The following ABCF3 variants were observed in gnomAD, a reference collection of about 807,000 sequenced individuals.
ABCF3 encodes the protein ATP-binding cassette sub-family F member 3.
A neutral mutation model predicts 94.3 loss-of-function variants in ABCF3; 62 were observed. The ratio of observed to expected loss-of-function variants is 0.66; its 90% CI spans 0.54 to 0.81. ABCF3 has a LOEUF of 0.81. ABCF3 is among the 40% of genes least tolerant of loss of function. The pLI, the probability that ABCF3 is intolerant of heterozygous loss-of-function variation, is 0.00. For missense variants in ABCF3, 843 were observed against 925.3 expected (o/e 0.91, Z 1.15); for synonymous variants, 355 against 361.1 (o/e 0.98, Z 0.19).
At position 184,191,275 on chromosome 3, in the gene ABCF3, G is replaced by T; in HGVS notation, c.1569+20G>T. On this transcript the variant is annotated intron_variant, in intron 16 of 20. Coordinates refer to ENST00000429586, the MANE Select transcript of ABCF3 (RefSeq NM_018358.3). ...TGTGTGGTAAGGCTGCTGTTTCTCT[G>T]TGCTGCGAGCTGGGACTCTCCTGTC... 1 of 1,613,428 alleles carries T rather than the reference G, an allele frequency of 6.2e-7. No homozygotes were observed. Among genetic ancestry groups the T allele is most frequent in the Non-Finnish European group, 8.5e-7 (1 of 1,180,014 alleles).
intron 16 of ABCF3, among the ~76,000 whole-genome samples, 166 bp downstream of exon 16, chr3:184,191,421 G>A (rs1471579425): frequency 3.3e-5 from 5 of 152,264 alleles, no homozygotes; most frequent in African/African-American, 7.2e-5. Flanking sequence ...TCCTCTGGCC[G>A]CACAGCGCTG....
chr3:184,186,579 AAG>A lies in ABCF3; in HGVS notation c.149_150del (p.Glu50GlyfsTer8). The A allele has an allele frequency of 6.2e-7, 1 of 1,614,024 alleles. No individual in the cohort carries two copies. Among genetic ancestry groups the A allele is most frequent in the South Asian group, 1.1e-5 (1 of 91,062 alleles). ...GTGGAAGCTGTAGGGGAACTATTGC[AAG>A]AGGTGTCCGGGGACAGCAAGGATGA... On this transcript the variant is annotated frameshift_variant, in exon 2 of 21. Coordinates refer to ENST00000429586, the MANE Select transcript of ABCF3 (RefSeq NM_018358.3). LOFTEE classifies it high-confidence loss of function.
rs1290146833 is a variant in ABCF3, at chr3:184,191,005, G to A, written c.1398G>A (p.Glu466=). 2 of 1,614,136 alleles carry A rather than the reference G, an allele frequency of 1.2e-6. No homozygotes were observed. Among genetic ancestry groups the A allele is most frequent in the Admixed American group, 3.3e-5 (2 of 60,020 alleles). The change falls in exon 15 of 21, where the codon GAG becomes GAA. Residue 466 remains glutamate (E), a synonymous_variant. Coordinates refer to ENST00000429586, the MANE Select transcript of ABCF3 (RefSeq NM_018358.3). The part of the protein sequence containing the change: ...SKLKMLEKLP[E]LKPVDKESEV... ...ACCTCATCTCTTCTCCCAGGCCTGA[G>A]CTGAAGCCTGTGGACAAGGAATCAG...
rs1577065654 is a variant in ABCF3 at position 184,187,533 on chromosome 3, CTA to C, written c.348+92_348+93del. The C allele has an allele frequency of 3.2e-6, 5 of 1,542,286 alleles. No individual in the cohort carries two copies. The East Asian group carries it at 6.7e-5, about 21-fold the overall frequency. ...GAGTATCTTTTGGGGGGATTTCTGA[CTA>C]TGTCTTTTCCTGAGCCTTTGAGTCT... On this transcript the variant is annotated intron_variant, in intron 4 of 20. Transcript: ENST00000429586.
In ABCF3 at chr3:184,193,095, T is replaced by A; in HGVS notation, c.1751-7T>A. 6.5e-7 allele frequency: 1 copy of A among 1,534,464 alleles called. No individual in the cohort carries two copies. Among genetic ancestry groups the A allele is most frequent in the Non-Finnish European group, 8.8e-7 (1 of 1,142,206 alleles). ...GAAGCCACCTGATCTGGGGAGTCCT[T>A]TTCCAGGGCGGCCTGAGGAGGAGTA... On this transcript the variant is annotated splice_region_variant and splice_polypyrimidine_tract_variant and intron_variant, in intron 18 of 20. Transcript: ENST00000429586. This position sits in a 1 kb window ranked among gnomAD's most constrained non-coding sequence, Gnocchi z 5.2.
rs746547944 is a variant in ABCF3 at position 184,188,757 on chromosome 3, C to A, written c.837-4C>A. 1.9e-6 allele frequency: 3 copies of A among 1,613,806 alleles called. No individual in the cohort carries two copies. Among genetic ancestry groups the A allele is most frequent in the Non-Finnish European group, 2.5e-6 (3 of 1,179,816 alleles). ...AGGCCAATTGCTGTTTCTCCTCCCT[C>A]CAGGGCGGAGGGCTCTGAAGCTGCA... On this transcript the variant is annotated splice_region_variant and splice_polypyrimidine_tract_variant and intron_variant, in intron 7 of 20. Transcript: ENST00000429586.
chr3:184,187,781 C>T lies in ABCF3; in HGVS notation c.446+20C>T, dbSNP rs748259465. 1.2e-6 allele frequency: 2 copies of T among 1,614,106 alleles called. No individual in the cohort carries two copies. Among genetic ancestry groups the T allele is most frequent in the Non-Finnish European group, 1.7e-6 (2 of 1,180,018 alleles). On this transcript the variant is annotated intron_variant, in intron 5 of 20. Transcript: ENST00000429586. ...CCCTCTGTGAGTGGGGGAAGCATGG[C>T]TCAGAAGAGAGCAGAGCAGCTTTTG...
intron 3 of ABCF3, 190 bp downstream of exon 3, chr3:184,187,065 A>G (rs1577065218): frequency 2.4e-5 from 16 of 665,464 alleles, no homozygotes; most frequent in Non-Finnish European, 3.5e-5. Context: ...TTCTCCCTCC[A>G]AGCTCTTGGG....
intron 3 of ABCF3, 33 bp downstream of exon 3, chr3:184,186,908 C>G: frequency 6.3e-7 from 1 of 1,598,982 alleles, no homozygotes; most frequent in Middle Eastern, 1.7e-4. Flanking sequence ...CTAACTGCCC[C>G]CCTGTGCTTT....
At chr3:184,192,117 A>C (rs930566519) in intron 16 of ABCF3, among the ~76,000 whole-genome samples, 1 of 152,002 alleles carries the variant, frequency 6.6e-6, no homozygotes, top group African/African-American at 2.4e-5. Flanking sequence ...GACCCCTTCT[A>C]ATTTCCTTCT....
At position 184,191,207 on chromosome 3, in the gene ABCF3, C is replaced by CG; in HGVS notation, c.1521_1522insG (p.Phe508ValfsTer9). 2 of 1,614,218 alleles carry CG rather than the reference C, an allele frequency of 1.2e-6. No homozygotes were observed. Among genetic ancestry groups the CG allele is most frequent in the Non-Finnish European group, 1.7e-6 (2 of 1,180,042 alleles). On this transcript the variant is annotated frameshift_variant, in exon 16 of 21. Transcript: ENST00000429586. LOFTEE classifies it high-confidence loss of function. ...TCTACTACGATCCGAAGCACGTCAT[C>CG]TTCAGTCGCCTCTCTGTGTCTGCTG...
At chr3:184,191,300 C>CT (rs752547343) in intron 16 of ABCF3, 45 bp downstream of exon 16, 13 of 1,610,580 alleles carry the variant, frequency 8.1e-6, no homozygotes, top group Admixed American at 1.7e-5. Flanking sequence ...ACTCTCCTGT[C>CT]TAAGTGTGTG....
chr3:184,191,273 CTG>C lies in ABCF3; in HGVS notation c.1569+21_1569+22del. 6.2e-7 allele frequency: 1 copy of C among 1,613,576 alleles called. No individual in the cohort carries two copies. Among genetic ancestry groups the C allele is most frequent in the Non-Finnish European group, 8.5e-7 (1 of 1,180,024 alleles). On this transcript the variant is annotated intron_variant, in intron 16 of 20. Coordinates refer to ENST00000429586, the MANE Select transcript of ABCF3 (RefSeq NM_018358.3). Reference sequence around the variant, plus strand: ...TCTGTGTGGTAAGGCTGCTGTTTCTCTGTGCTGCGAGCTGGGACTCTCCTGTC... The same window carrying C: ...TCTGTGTGGTAAGGCTGCTGTTTCTCTGCTGCGAGCTGGGACTCTCCTGTC...
At position 184,190,910 on chromosome 3, in the gene ABCF3, C is replaced by T. The variant is rs1023117779; in HGVS notation, c.1392-89C>T. 6.0e-6 allele frequency: 9 copies of T among 1,497,934 alleles called. No homozygotes were observed. The East Asian group carries it at 1.4e-4, about 24-fold the overall frequency. The allele number at this position is 1,497,934 out of a possible 1,614,324, so 92.8% of individuals were successfully genotyped here. On this transcript the variant is annotated intron_variant, in intron 14 of 20. Coordinates refer to ENST00000429586, the MANE Select transcript of ABCF3 (RefSeq NM_018358.3). ...TACCTGAGTGGTAGGAGTACAAGCCCTTTCTAAGTTTTCTCTGAACATATA... is the reference window on the plus strand; with the variant it reads ...TACCTGAGTGGTAGGAGTACAAGCCTTTTCTAAGTTTTCTCTGAACATATA...
chr3:184,192,123 C>T (rs1716064405), intron 16 of ABCF3, among the ~76,000 whole-genome samples: 1 of 152,098 alleles, frequency 6.6e-6, no homozygotes, highest in Admixed American at 6.5e-5. Context: ...TTCTAATTTC[C>T]TTCTCCTCTG....
In ABCF3 at chr3:184,186,289, A is replaced by G; in HGVS notation, c.73+9A>G. On this transcript the variant is annotated intron_variant, in intron 1 of 20. Coordinates refer to ENST00000429586, the MANE Select transcript of ABCF3 (RefSeq NM_018358.3). ...CTTCGACTACGTGACCGGTAAGCAG[A>G]ACTGAATCGGCCGGCTGGGGAGACC... 1 of 1,614,200 alleles carries G rather than the reference A, an allele frequency of 6.2e-7. No individual in the cohort carries two copies. The highest frequency in any genetic ancestry group is 8.5e-7 in the Non-Finnish European group (1 of 1,180,018).
At chr3:184,187,223 G>A (rs773151316) in intron 3 of ABCF3, 174 bp from the exon 4 acceptor site, 12 of 759,154 alleles carry the variant, frequency 1.6e-5, no homozygotes, top group Non-Finnish European at 2.7e-5. Flanking sequence ...CGTGAGTTTT[G>A]TTTTGTTTTG....
chr3:184,189,376 C>CTG lies in ABCF3; in HGVS notation c.1058-11_1058-10dup. On this transcript the variant is annotated splice_polypyrimidine_tract_variant and intron_variant, in intron 11 of 20. Transcript: ENST00000429586. The stretch of plus-strand genomic sequence containing the variant: ...CCTTCAATCCCAAGTGTGTGCTCCC[C>CTG]TGCTTCTCCAGAACCTACAAACATG... 3 of 1,614,168 alleles carry CTG rather than the reference C, an allele frequency of 1.9e-6. No individual in the cohort carries two copies. Among genetic ancestry groups the CTG allele is most frequent in the Non-Finnish European group, 2.5e-6 (3 of 1,180,032 alleles).
At chr3:184,186,944 T>G in intron 3 of ABCF3, 69 bp downstream of exon 3, 3 of 1,480,148 alleles carry the variant, frequency 2.0e-6, no homozygotes, top group Non-Finnish European at 2.8e-6. Flanking sequence ...ATCTGCTGCC[T>G]GCAGCTTAGG....
Sources: allele counts gnomAD v4.1 joint callset (sites outside exome capture counted in the v4.1 genomes callset), GRCh38; gene constraint gnomAD v4.1.1; non-coding constraint Gnocchi (gnomAD v3.1); transcripts MANE v1.5; gene names NCBI Gene and HGNC (gene_info 2026-07-23, HGNC 2026-07-21).